The following MBNL2 variants were observed in gnomAD, a reference collection of about 807,000 sequenced individuals.
MBNL2 encodes the protein muscleblind like splicing regulator 2.
Under a neutral mutation model 41.9 loss-of-function variants are expected in MBNL2, and 17 were observed. The observed-to-expected ratio is 0.41, with a 90% CI of 0.28 to 0.61. The LOEUF is 0.61. Among genes scored for constraint, MBNL2 ranks in the 20% least tolerant of loss-of-function variants. The pLI is 0.35. For synonymous variants in MBNL2, 195 were observed against 182.9 expected, an observed-to-expected ratio of 1.07 and a Z score of -0.53; for missense variants, 336 against 505.6, an observed-to-expected ratio of 0.66 and a Z score of 3.22.
chr13:97,215,611 T>C, the MBNL2 span, among the ~76,000 whole-genome samples: 1 of 152,262 alleles, frequency 6.6e-6, no homozygotes, highest in South Asian at 2.1e-4. Context: ...TAAAAACTAA[T>C]TCGAGTTAAG....
intron 1 of MBNL2, among the ~76,000 whole-genome samples, chr13:97,246,928 T>C (rs1034506992): frequency 1.3e-5 from 2 of 152,206 alleles, no homozygotes; most frequent in Admixed American, 6.5e-5. Flanking sequence ...GAATCACTTA[T>C]GGGGTCACAG....
intron 4 of MBNL2, among the ~76,000 whole-genome samples, chr13:97,343,426 T>G (rs1476335864): frequency 1.3e-5 from 2 of 152,220 alleles, no homozygotes; most frequent in African/African-American, 4.8e-5. Flanking sequence ...AAGACTAGTT[T>G]TAACACAAAA....
the MBNL2 span, among the ~76,000 whole-genome samples, chr13:97,209,646 T>C: frequency 6.6e-6 from 1 of 152,206 alleles, no homozygotes; most frequent in African/African-American, 2.4e-5. Context: ...ATTAAGGCAA[T>C]TAATACTTAT....
chr13:97,370,667 C>CAA (rs35877156), intron 8 of MBNL2, among the ~76,000 whole-genome samples: 1,641 of 137,788 alleles, frequency 0.012, 36 homozygotes, highest in African/African-American at 0.04. Flanking sequence ...GAAACTCCGT[C>CAA]AAAAAAAAAA....
chr13:97,223,812 C>T (rs1215244105), intron 1 of MBNL2, among the ~76,000 whole-genome samples: 1 of 152,184 alleles, frequency 6.6e-6, no homozygotes, highest in East Asian at 1.9e-4. Context: ...GTAGATTCTT[C>T]TAGACCCACT....
the MBNL2 span, among the ~76,000 whole-genome samples, chr13:97,167,258 G>A: frequency 6.6e-6 from 1 of 152,026 alleles, no homozygotes. Context: ...TATGCAAGAG[G>A]GTGCCTTTAG....
chr13:97,271,637 T>C (rs918947608), intron 1 of MBNL2, among the ~76,000 whole-genome samples: 1 of 152,138 alleles, frequency 6.6e-6, no homozygotes, highest in African/African-American at 2.4e-5. Flanking sequence ...TGTGTCCATG[T>C]GTTCTCAGTG....
intron 1 of MBNL2, among the ~76,000 whole-genome samples, chr13:97,247,350 G>GT (rs1236893934): frequency 1.3e-5 from 2 of 152,134 alleles, no homozygotes; most frequent in South Asian, 2.1e-4. Flanking sequence ...AGGGCACTGG[G>GT]TTTTTTTCCT....
At chr13:97,286,972 A>G (rs2054586969) in intron 2 of MBNL2, among the ~76,000 whole-genome samples, 1 of 152,206 alleles carries the variant, frequency 6.6e-6, no homozygotes, top group Non-Finnish European at 1.5e-5. Context: ...CTGTACACCC[A>G]TACTTGCTAG....
rs1260979498 is a variant in MBNL2, at chr13:97,372,703, A to C, written c.1048+7532A>C. 2.6e-5 allele frequency among the ~76,000 whole-genome samples: 4 copies of C among 152,322 alleles called. No individual in the cohort carries two copies. In the East Asian group the frequency reaches 7.7e-4, roughly 29 times the overall value. On this transcript the variant is annotated intron_variant, in intron 8 of 8. Transcript: ENST00000679496. ...TATTATGTTTTATCTGGCCAGCTAT[A>C]AAGTATTGAAGAGGGAAGAGAAAAG... is the stretch of plus-strand genomic sequence containing the variant.
intron 8 of MBNL2, among the ~76,000 whole-genome samples, chr13:97,390,672 TCTGTGCTTTAG>T (rs1161118992): frequency 6.6e-6 from 1 of 152,174 alleles, no homozygotes; most frequent in Non-Finnish European, 1.5e-5. Context: ...TTTACCTTTA[TCTGTGCTTTAG>T]CTGTGCTTTT....
At position 97,309,374 on chromosome 13, in the gene MBNL2, T is replaced by G. The variant is rs556885504; in HGVS notation, c.175-24902T>G. Among the ~76,000 whole-genome samples, 433 of 152,270 alleles carry G rather than the reference T, an allele frequency of 2.8e-3. 1 individual carries two copies. Among genetic ancestry groups the G allele is most frequent in the Non-Finnish European group, 5.0e-3 (341 of 68,018 alleles). On this transcript the variant is annotated intron_variant, in intron 2 of 8. Coordinates refer to ENST00000679496, the MANE Select transcript of MBNL2 (RefSeq NM_001382683.1). ...CAGGCCCTTTACAGGGGTGGTCAAT[T>G]TAAAATGAGGTCATCAGGGTGTCTT...
the MBNL2 span, among the ~76,000 whole-genome samples, chr13:97,198,121 T>C: frequency 1.3e-5 from 2 of 152,152 alleles, no homozygotes; most frequent in African/African-American, 2.4e-5. Context: ...ATTGGTGATA[T>C]TAAAATTTAA....
At chr13:97,343,377 G>A (rs148872604) in intron 4 of MBNL2, among the ~76,000 whole-genome samples, 161 bp downstream of exon 4, 4 of 152,322 alleles carry the variant, frequency 2.6e-5, no homozygotes, top group African/African-American at 9.6e-5. Context: ...TCTGTGGTTT[G>A]AAGTTAAGGC....
At chr13:97,314,272 T>C (rs1301686405) in intron 2 of MBNL2, among the ~76,000 whole-genome samples, 2 of 152,236 alleles carry the variant, frequency 1.3e-5, no homozygotes, top group Admixed American at 1.3e-4. Flanking sequence ...CCTGCCCCCT[T>C]AACACCTCAA....
At chr13:97,201,421 A>G in the MBNL2 span, among the ~76,000 whole-genome samples, 1 of 152,208 alleles carries the variant, frequency 6.6e-6, no homozygotes, top group Non-Finnish European at 1.5e-5. Flanking sequence ...TCTTGCTAGC[A>G]TAGAAGTAGG....
At chr13:97,197,411 G>A in the MBNL2 span, among the ~76,000 whole-genome samples, 1 of 152,108 alleles carries the variant, frequency 6.6e-6, no homozygotes, top group Non-Finnish European at 1.5e-5. Context: ...GAGTTTCTAT[G>A]TATATTCCAT....
chr13:97,304,651 A>G (rs1381907342), intron 2 of MBNL2, among the ~76,000 whole-genome samples: 1 of 152,196 alleles, frequency 6.6e-6, no homozygotes, highest in Non-Finnish European at 1.5e-5. Context: ...CAAAGTGGCA[A>G]TAATAATAGT....
the MBNL2 span, among the ~76,000 whole-genome samples, chr13:97,162,861 G>A: frequency 2.6e-5 from 4 of 152,212 alleles, no homozygotes; most frequent in African/African-American, 7.2e-5. Flanking sequence ...AATGGGAGAA[G>A]ACTATAGACT....
Sources: gnomAD v4.1 joint callset for allele counts (sites outside exome capture counted in the v4.1 genomes callset) on GRCh38, gnomAD v4.1.1 for gene constraint, MANE v1.5 for transcripts, NCBI Gene and HGNC (gene_info 2026-07-23, HGNC 2026-07-21) for gene names.